The following ZNF486 variants were observed in gnomAD, a reference collection of about 807,000 sequenced individuals.
ZNF486 encodes KRAB box only protein 2.
In ZNF486, 12 loss-of-function variants were observed where a neutral mutation model predicts 12.8. The ratio of observed to expected loss-of-function variants is 0.94; its 90% CI spans 0.60 to 1.52. The LOEUF (loss-of-function observed/expected upper bound fraction) is 1.52. Ranked by LOEUF, ZNF486 falls within the 40% of genes most tolerant of loss-of-function variation. The probability of loss-of-function intolerance (pLI) is 0.00; values close to 1 mark genes in which losing one functional copy is unlikely to be tolerated. For synonymous variants in ZNF486, 231 were observed against 184.9 expected, an observed-to-expected ratio of 1.25 and a Z score of -2.02; for missense variants, 738 against 545.0, an observed-to-expected ratio of 1.35 and a Z score of -3.53.
At chr19:20,191,717 C>A (rs2089905183) in intron 3 of ZNF486, among the ~76,000 whole-genome samples, 1 of 152,092 alleles carries the variant, frequency 6.6e-6, no homozygotes, top group African/African-American at 2.4e-5. Context: ...TTGTAGTGAG[C>A]TGAGATTGCG....
rs2089999395 is a variant in ZNF486, at chr19:20,200,133, A to G, written c.*2031A>G. Reference sequence around the variant, plus strand: ...ATTTTTCTGAAAAGTGGGTAATGACATAATACAGCTTTCAAATTACTTTAT... The same window carrying G: ...ATTTTTCTGAAAAGTGGGTAATGACGTAATACAGCTTTCAAATTACTTTAT... On this transcript the variant is annotated 3_prime_UTR_variant, in exon 4 of 4. Transcript: ENST00000335117. The G allele has an allele frequency of 6.6e-6, 1 of 150,616 alleles. No homozygotes were observed. Among genetic ancestry groups the G allele is most frequent in the Non-Finnish European group, 1.5e-5 (1 of 68,028 alleles). 9.3% of individuals were successfully genotyped at this position (150,616 alleles called of 1,614,324 possible). A position where few individuals can be genotyped will look rare whatever the true frequency, so the allele number is the denominator to read the frequency against.
chr19:20,196,414 C>T (rs1244370192), intron 3 of ZNF486, among the ~76,000 whole-genome samples: 10 of 152,310 alleles, frequency 6.6e-5, no homozygotes, highest in African/African-American at 2.2e-4. Flanking sequence ...CTGCAACCTC[C>T]GTCTCCTGGG....
chr19:20,172,344 T>C (rs1177905460), intron 1 of ZNF486, among the ~76,000 whole-genome samples: 1 of 151,842 alleles, frequency 6.6e-6, no homozygotes, highest in Non-Finnish European at 1.5e-5. Flanking sequence ...TTGCTCTTGT[T>C]GCCCAGACTG....
chr19:20,175,903 G>A (rs1369879568), intron 1 of ZNF486, among the ~76,000 whole-genome samples: 1 of 152,038 alleles, frequency 6.6e-6, no homozygotes, highest in Non-Finnish European at 1.5e-5. Context: ...TCCCAGTAGG[G>A]GCGGCTGGGC....
rs1363719637 is a variant in ZNF486 at position 20,198,999 on chromosome 19, T to C, written c.*897T>C. ...CAAAGCCTTTATATGGTTGCCACAC[T>C]TTATTGTAGGTAATTCATACTTCCA... On this transcript the variant is annotated 3_prime_UTR_variant, in exon 4 of 4. Coordinates refer to ENST00000335117, the MANE Select transcript of ZNF486 (RefSeq NM_052852.4). The C allele has an allele frequency of 6.6e-6, 1 of 151,792 alleles. No homozygotes were observed. Among genetic ancestry groups the C allele is most frequent in the Non-Finnish European group, 1.5e-5 (1 of 68,026 alleles). The allele number at this position is 151,792 out of a possible 1,614,324, so 9.4% of individuals were successfully genotyped here.
rs782523497 is a variant in ZNF486 at position 20,186,043 on chromosome 19, C to T, written c.214C>T (p.Leu72=). Reference sequence around the variant, plus strand: ...CTGTCTGGAGCAAGGAATAAAACCTCTGACTATGAAGAGACATGAGATGAT... The same window carrying T: ...CTGTCTGGAGCAAGGAATAAAACCTTTGACTATGAAGAGACATGAGATGAT... The part of the protein sequence containing the change: ...ITCLEQGIKP[L]TMKRHEMIAK... The change falls in exon 3 of 4, where the codon CTG becomes TTG. Residue 72 remains leucine, a synonymous_variant. Coordinates refer to ENST00000335117, the MANE Select transcript of ZNF486 (RefSeq NM_052852.4). The T allele has an allele frequency of 1.3e-6, 2 of 1,594,988 alleles. No individual in the cohort carries two copies. Among genetic ancestry groups the T allele is most frequent in the East Asian group, 2.3e-5 (1 of 43,298 alleles).
At chr19:20,181,320 A>G (rs1555715520) in intron 1 of ZNF486, among the ~76,000 whole-genome samples, 1 of 152,130 alleles carries the variant, frequency 6.6e-6, no homozygotes, top group African/African-American at 2.4e-5. Context: ...CGGGCAGATC[A>G]TGAGGTCAGG....
chr19:20,194,747 G>T (rs1047279353), intron 3 of ZNF486, among the ~76,000 whole-genome samples: 1 of 151,882 alleles, frequency 6.6e-6, no homozygotes, highest in Non-Finnish European at 1.5e-5. Flanking sequence ...AAATTCTCTG[G>T]TTATCTCATG....
chr19:20,171,044 G>A (rs1388323200), intron 1 of ZNF486, among the ~76,000 whole-genome samples: 5 of 152,176 alleles, frequency 3.3e-5, no homozygotes, highest in African/African-American at 1.2e-4. Flanking sequence ...ACAATGTTGT[G>A]GGACCGAGGG....
intron 1 of ZNF486, among the ~76,000 whole-genome samples, chr19:20,169,029 CGG>C (rs1555713437): frequency 6.6e-6 from 1 of 150,614 alleles, no homozygotes; most frequent in African/African-American, 2.4e-5. Flanking sequence ...TTAGCAGAGA[CGG>C]GGTTTCACCA....
intron 1 of ZNF486, 49 bp downstream of exon 1, chr19:20,167,409 G>T: frequency 6.2e-7 from 1 of 1,601,340 alleles, no homozygotes; most frequent in Non-Finnish European, 8.5e-7. Context: ...ACTGGTTGAT[G>T]GGAAGTGGCT....
chr19:20,190,400 G>A (rs1157042312), intron 3 of ZNF486, among the ~76,000 whole-genome samples: 1 of 152,176 alleles, frequency 6.6e-6, no homozygotes, highest in Non-Finnish European at 1.5e-5. Flanking sequence ...ATTTGTTGTT[G>A]TTTTAAGACA....
In ZNF486 at chr19:20,197,014, G is replaced by C. The variant is rs527901227; in HGVS notation, c.304G>C (p.Asp102His). The change falls in exon 4 of 4, where the codon GAT becomes CAT. Residue 102 changes from aspartate to histidine, a missense_variant. Asp to His is a moderately conservative substitution (Grantham distance 81). Transcript: ENST00000335117. ...CCTTTGGCCAGAGCAGAGCATAAAA[G>C]ATTCTTACCAAAAAGTGATACTGAG... is the stretch of plus-strand genomic sequence containing the variant. ...QDLWPEQSIKDSYQKVILRKF... is the reference protein window; with the variant it reads ...QDLWPEQSIKHSYQKVILRKF... 2 of 1,603,440 alleles carry C rather than the reference G, an allele frequency of 1.2e-6. No individual in the cohort carries two copies. Among genetic ancestry groups the C allele is most frequent in the East Asian group, 2.2e-5 (1 of 44,818 alleles).
Position 20,198,102 on chromosome 19 carries a change from A to G in ZNF486, c.1392A>G (p.Ter464TrpextTer11), listed in dbSNP as rs1555718413. The change falls in exon 4 of 4, where the codon TGA becomes TGG. Residue 464 changes from the stop codon to tryptophan, a stop_lost. Transcript: ENST00000335117. ...RIHIGQKPRT[*>W] ...ATATTGGACAGAAACCAAGAACGTG[A>G]CAAAGGATTATTTTATTATTATTAT... The G allele has an allele frequency of 5.8e-6, 9 of 1,556,706 alleles. No homozygotes were observed. The Admixed American group carries it at 1.2e-4, about 21-fold the overall frequency.
In ZNF486 at chr19:20,197,140, C is replaced by G; in HGVS notation, c.430C>G (p.Gln144Glu). The G allele has an allele frequency of 6.2e-7, 1 of 1,613,708 alleles. No individual in the cohort carries two copies. Residue 144 changes from glutamine (Q) to glutamate (E), a missense_variant, in exon 4 of 4, where the codon CAA (glutamine) becomes GAA (glutamate). Transcript: ENST00000335117. ...LHKRGYNGLN[Q>E]CLTTTQSKIF... ...CAAAAGAGGTTATAATGGACTTAAC[C>G]AATGTTTGACAACTACCCAGAGCAA...
intron 3 of ZNF486, among the ~76,000 whole-genome samples, chr19:20,193,871 C>T (rs959740589): frequency 1.3e-5 from 2 of 151,350 alleles, no homozygotes; most frequent in African/African-American, 4.9e-5. Flanking sequence ...TGTATCTATA[C>T]AGCTATTATC....
chr19:20,181,721 T>C (rs900848226), intron 1 of ZNF486, among the ~76,000 whole-genome samples: 1 of 150,546 alleles, frequency 6.6e-6, no homozygotes, highest in Non-Finnish European at 1.5e-5. Flanking sequence ...AAATTTTCTC[T>C]AAATTACATT....
intron 3 of ZNF486, 44 bp from the exon 4 acceptor site, chr19:20,196,920 T>C: frequency 6.6e-7 from 1 of 1,509,692 alleles, no homozygotes. Context: ...TATATTTATC[T>C]GAGTCTAGCA....
intron 3 of ZNF486, chr19:20,188,509 C>T (rs954766905): frequency 4.3e-5 from 17 of 398,224 alleles, no homozygotes; most frequent in African/African-American, 4.1e-5. Context: ...GATATGGAGA[C>T]CCCTCTTTAT....
Sources: allele counts gnomAD v4.1 joint callset (sites outside exome capture counted in the v4.1 genomes callset), GRCh38; gene constraint gnomAD v4.1.1; transcripts MANE v1.5; gene names NCBI Gene and HGNC (gene_info 2026-07-23, HGNC 2026-07-21).